LRRC9: variants seen among roughly 807,000 people sequenced by gnomAD.
The protein encoded by LRRC9 is leucine-rich repeat-containing protein 9.
A neutral mutation model predicts 63.2 loss-of-function variants in LRRC9; 122 were observed. The ratio of observed to expected loss-of-function variants is 1.93; its 90% CI spans 1.67 to 2.24. LRRC9 has a LOEUF of 2.24. LRRC9 is among the 30% of genes most tolerant of loss of function. The pLI is 0.00. For synonymous variants in LRRC9, 366 were observed against 213.1 expected (o/e 1.72, Z -6.25); for missense variants, 1,071 against 627.7 (o/e 1.71, Z -7.55).
chr14:60,026,112 A>G (rs1891529028), intron 27 of LRRC9, among the ~76,000 whole-genome samples: 1 of 152,092 alleles, frequency 6.6e-6, no homozygotes, highest in Non-Finnish European at 1.5e-5. Flanking sequence ...CTGGACCACA[A>G]GTCAGGACTA....
chr14:59,969,232 T>G (rs547465540), intron 12 of LRRC9: 23 of 152,210 alleles, frequency 1.5e-4, no homozygotes, highest in Non-Finnish European at 3.1e-4. Flanking sequence ...TTTGAAACTC[T>G]CCTTTGGCAT....
At chr14:60,001,445 G>T (rs1297012169) in intron 19 of LRRC9, among the ~76,000 whole-genome samples, 1 of 152,054 alleles carries the variant, frequency 6.6e-6, no homozygotes, top group Non-Finnish European at 1.5e-5. Flanking sequence ...TGATGAATAT[G>T]ATATTGAACA....
chr14:59,924,660 A>T (rs1889055795), intron 1 of LRRC9, among the ~76,000 whole-genome samples: 1 of 152,150 alleles, frequency 6.6e-6, no homozygotes, highest in Admixed American at 6.5e-5. Flanking sequence ...GATCTTTTTC[A>T]ATACTTATGA....
At chr14:59,954,728 A>G (rs114057074) in intron 8 of LRRC9, among the ~76,000 whole-genome samples, 2,183 of 150,196 alleles carry the variant, frequency 0.015, 54 homozygotes, top group East Asian at 0.06. Context: ...GGGCATCCTT[A>G]TCTTCTACAA....
chr14:59,958,773 T>C lies in LRRC9; in HGVS notation c.883-1045T>C, dbSNP rs1320251327. ...GGTGGTATAGGCACACGAGGGAATC[T>C]CCTGATCTGCAGATTGCAAAAACGG... On this transcript the variant is annotated intron_variant, in intron 8 of 31. Coordinates refer to ENST00000445360, the Ensembl canonical transcript of LRRC9. This position sits in a 1 kb window ranked among gnomAD's most constrained non-coding sequence, Gnocchi z 4.0. Among the ~76,000 whole-genome samples the C allele has an allele frequency of 6.6e-6, 1 of 152,220 alleles. No homozygotes were observed. The highest frequency in any genetic ancestry group is 1.5e-5 in the Non-Finnish European group (1 of 68,036).
intron 28 of LRRC9, among the ~76,000 whole-genome samples, chr14:60,028,561 C>T (rs1215207558): frequency 1.3e-5 from 2 of 152,106 alleles, no homozygotes; most frequent in Non-Finnish European, 2.9e-5. Flanking sequence ...TAGATAGGAT[C>T]CTGGCTTAGT....
intron 23 of LRRC9, among the ~76,000 whole-genome samples, chr14:60,014,958 G>A (rs1170492083): frequency 6.6e-6 from 1 of 151,950 alleles, no homozygotes; most frequent in African/African-American, 2.4e-5. Flanking sequence ...GTAAAGTGAG[G>A]CTCATTTATT....
Position 59,958,214 on chromosome 14 carries a change from A to T in LRRC9, c.883-1604A>T, listed in dbSNP as rs1245637986. Among the ~76,000 whole-genome samples the T allele has an allele frequency of 1.3e-5, 2 of 152,208 alleles. No homozygotes were observed. Among genetic ancestry groups the T allele is most frequent in the African/African-American group, 4.8e-5 (2 of 41,466 alleles). Reference sequence around the variant, plus strand: ...GCTCTCTTCAGAGCTGGCAGGCAGGAACGATTAAATCTGCTGCAGCTGTGC... The same window carrying T: ...GCTCTCTTCAGAGCTGGCAGGCAGGTACGATTAAATCTGCTGCAGCTGTGC... On this transcript the variant is annotated intron_variant, in intron 8 of 31. Transcript: ENST00000445360. The surrounding 1 kb of genome is among the most constrained non-coding windows in gnomAD (Gnocchi z 4.0).
At chr14:60,052,207 G>GGGAGGGAA (rs1893947444) in intron 29 of LRRC9, among the ~76,000 whole-genome samples, 1 of 152,150 alleles carries the variant, frequency 6.6e-6, no homozygotes, top group Non-Finnish European at 1.5e-5. Context: ...TTTACATTCA[G>GGGAGGGAA]GGAGGGAAGA....
chr14:59,972,311 T>C (rs1190119701), intron 12 of LRRC9, among the ~76,000 whole-genome samples: 4 of 152,166 alleles, frequency 2.6e-5, no homozygotes, highest in Admixed American at 6.6e-5. Flanking sequence ...TCAGTTAAAA[T>C]GGAGAACTGT....
chr14:59,984,519 G>A (rs1232218854), intron 16 of LRRC9, among the ~76,000 whole-genome samples: 1 of 152,170 alleles, frequency 6.6e-6, no homozygotes, highest in East Asian at 1.9e-4. Flanking sequence ...TAGTATAAAT[G>A]TGTAATAATA....
chr14:59,919,843 A>G lies in LRRC9; in HGVS notation c.-74A>G, dbSNP rs904520405. On this transcript the variant is annotated 5_prime_UTR_variant, in exon 1 of 32. Transcript: ENST00000445360. The surrounding 1 kb of genome is among the most constrained non-coding windows in gnomAD (Gnocchi z 4.5). ...CGAATAAGTCCCCACCACCTTGCCC[A>G]TAACGCGTTGCTTTCAGTCACGTTC... The G allele has an allele frequency of 2.6e-5, 4 of 152,362 alleles. No homozygotes were observed. The highest frequency in any genetic ancestry group is 9.6e-5 in the African/African-American group (4 of 41,476). 9.4% of individuals were successfully genotyped at this position (152,362 alleles called of 1,614,324 possible). A position where few individuals can be genotyped will look rare whatever the true frequency, so the allele number is the denominator to read the frequency against.
exon 8 of LRRC9, chr14:59,944,726 C>A: frequency 1.5e-6 from 1 of 671,286 alleles, no homozygotes; most frequent in South Asian, 1.7e-5. Context: ...TAAAATTATT[C>A]AGCTTTGTGA....
intron 27 of LRRC9, among the ~76,000 whole-genome samples, chr14:60,023,582 ATCC>A (rs1891285513): frequency 6.6e-6 from 1 of 152,068 alleles, no homozygotes; most frequent in South Asian, 2.1e-4. Context: ...TTGATAAATA[ATCC>A]TCATTTCAAT....
downstream of LRRC9, among the ~76,000 whole-genome samples, chr14:60,064,700 T>C (rs1234498498): frequency 6.6e-6 from 1 of 152,234 alleles, no homozygotes; most frequent in Non-Finnish European, 1.5e-5. Context: ...ATGTCTTTGT[T>C]GCCCTTTAGT....
chr14:60,023,634 C>T (rs1891289271), intron 27 of LRRC9, among the ~76,000 whole-genome samples: 1 of 151,930 alleles, frequency 6.6e-6, no homozygotes, highest in South Asian at 2.1e-4. Flanking sequence ...TTAAATAAGC[C>T]TCATTACTTT....
intron 23 of LRRC9, among the ~76,000 whole-genome samples, chr14:60,011,302 A>G (rs1208486107): frequency 1.3e-5 from 2 of 152,106 alleles, no homozygotes; most frequent in Admixed American, 1.3e-4. Flanking sequence ...ATTCACTATC[A>G]CAAGAACAGC....
intron 17 of LRRC9, among the ~76,000 whole-genome samples, chr14:59,995,597 C>T (rs541862900): frequency 6.6e-6 from 1 of 152,106 alleles, no homozygotes; most frequent in South Asian, 2.1e-4. Flanking sequence ...AATATTAAAA[C>T]AAAATGCTAT....
At position 59,997,842 on chromosome 14, in the gene LRRC9, CA is replaced by C; in HGVS notation, c.2402del (p.Lys801SerfsTer5). 2.9e-6 allele frequency: 2 copies of C among 689,780 alleles called. No individual in the cohort carries two copies. The highest frequency in any genetic ancestry group is 1.5e-5 in the South Asian group (1 of 65,214). The allele number at this position is 689,780 out of a possible 1,614,324, so 42.7% of individuals were successfully genotyped here. On this transcript the variant is annotated frameshift_variant, in exon 18 of 32. Transcript: ENST00000445360. LOFTEE classifies it high-confidence loss of function. Reference sequence around the variant, plus strand: ...TCTTGATATTCAACATAATCCATGGCAAAAGGTATGCCACAGACATGTTACT... The same window carrying C: ...TCTTGATATTCAACATAATCCATGGCAAAGGTATGCCACAGACATGTTACT...
Sources: gnomAD v4.1 joint callset for allele counts (sites outside exome capture counted in the v4.1 genomes callset) on GRCh38, gnomAD v4.1.1 for gene constraint, Gnocchi (gnomAD v3.1) non-coding constraint, MANE v1.5 for transcripts, NCBI Gene and HGNC (gene_info 2026-07-23, HGNC 2026-07-21) for gene names.